The following MFSD1 variants were observed in gnomAD, a reference collection of about 807,000 sequenced individuals.
MFSD1 encodes the protein major facilitator superfamily domain containing 1.
In MFSD1, 59 loss-of-function variants were observed where a neutral mutation model predicts 67.1. That is an observed-to-expected ratio of 0.88 (90% CI 0.71 to 1.09). The LOEUF is 1.09. Ranked by LOEUF, MFSD1 falls within the 50% of genes least tolerant of loss-of-function variation. The pLI, the probability that MFSD1 is intolerant of heterozygous loss-of-function variation, is 0.00. For missense variants in MFSD1, 552 were observed against 566.1 expected (o/e 0.97, Z 0.25); for synonymous variants, 213 against 200.3 (o/e 1.06, Z -0.54).
In MFSD1 at chr3:158,809,153, GT is replaced by G. The variant is rs368154012; in HGVS notation, c.441-11del. 53,567 of 1,164,344 alleles carry G rather than the reference GT, an allele frequency of 0.046. 2 individuals are homozygous for G. Among genetic ancestry groups the G allele is most frequent in the Non-Finnish European group, 0.049 (41,193 of 845,024 alleles). The allele number at this position is 1,164,344 out of a possible 1,614,324, so 72.1% of individuals were successfully genotyped here. On this transcript the variant is annotated intron_variant, in intron 5 of 15. Coordinates refer to ENST00000415822, the MANE Select transcript of MFSD1 (RefSeq NM_022736.4). ...TATTTCTTTAAAGTTGTGACTTCTG[GT>G]TTTTTTTTTTTTTTCTATTTTTAGG...
chr3:158,817,721 A>C (rs1358531022), intron 7 of MFSD1, among the ~76,000 whole-genome samples: 1 of 152,130 alleles, frequency 6.6e-6, no homozygotes, highest in African/African-American at 2.4e-5. Flanking sequence ...GCTACCAATG[A>C]CTTTCTTCAC....
chr3:158,805,595 G>A, intron 3 of MFSD1, 121 bp downstream of exon 3: 2 of 820,454 alleles, frequency 2.4e-6, no homozygotes, highest in Non-Finnish European at 4.0e-6. Context: ...ATTTGCTTGA[G>A]TTTTTTAAAA....
In MFSD1 at chr3:158,826,061, G is replaced by T. The variant is rs775274349; in HGVS notation, c.1335G>T (p.Gln445His). 2 of 1,613,290 alleles carry T rather than the reference G, an allele frequency of 1.2e-6. No homozygotes were observed. Among genetic ancestry groups the T allele is most frequent in the African/African-American group, 2.7e-5 (2 of 75,008 alleles). ...VVLLYLVNRA[Q>H]GGNLNYSARQ... Reference sequence around the variant, plus strand: ...TACTCTATTTGGTGAATCGTGCCCAGGGTAAGTAGAAGATCTGATATTTGC... The same window carrying T: ...TACTCTATTTGGTGAATCGTGCCCATGGTAAGTAGAAGATCTGATATTTGC... Residue 445 changes from glutamine (Q) to histidine (H), a missense_variant and splice_region_variant, in exon 14 of 16, where the codon CAG becomes CAT. Coordinates refer to ENST00000415822, the MANE Select transcript of MFSD1 (RefSeq NM_022736.4).
chr3:158,818,076 G>A (rs1730471505), intron 7 of MFSD1, among the ~76,000 whole-genome samples: 1 of 152,114 alleles, frequency 6.6e-6, no homozygotes. Context: ...TACCACTTTT[G>A]CTTTTTCTCT....
Position 158,819,646 on chromosome 3 carries a change from T to C in MFSD1, c.653-3T>C. The C allele has an allele frequency of 7.0e-7, 1 of 1,438,306 alleles. No individual in the cohort carries two copies. The highest frequency in any genetic ancestry group is 9.5e-7 in the Non-Finnish European group (1 of 1,054,242). 89.1% of individuals were successfully genotyped at this position (1,438,306 alleles called of 1,614,324 possible). A position where few individuals can be genotyped will look rare whatever the true frequency, so the allele number is the denominator to read the frequency against. ...TTTTTCTTTTTTTTTTTTTTTTATT[T>C]AGGGGGTATAACGTGTATTCTTTCA... is the stretch of plus-strand genomic sequence containing the variant. On this transcript the variant is annotated splice_region_variant and splice_polypyrimidine_tract_variant and intron_variant, in intron 7 of 15. Transcript: ENST00000415822.
intron 5 of MFSD1, 132 bp downstream of exon 5, chr3:158,807,595 G>A: frequency 1.4e-6 from 1 of 703,350 alleles, no homozygotes; most frequent in Non-Finnish European, 2.4e-6. Context: ...ATATGCATAA[G>A]AGTATTTCTT....
intron 7 of MFSD1, among the ~76,000 whole-genome samples, chr3:158,818,326 A>T (rs1386533798): frequency 6.6e-6 from 1 of 152,114 alleles, no homozygotes; most frequent in Non-Finnish European, 1.5e-5. Flanking sequence ...CATATCCATC[A>T]CCTCATGCGT....
At chr3:158,805,495 T>C (rs1438621581) in intron 3 of MFSD1, 21 bp downstream of exon 3, 4 of 1,514,054 alleles carry the variant, frequency 2.6e-6, no homozygotes, top group Non-Finnish European at 2.8e-6. Context: ...AAAGAAACTA[T>C]GGGTAAATCT....
chr3:158,827,577 G>A (rs1158295115), intron 15 of MFSD1, among the ~76,000 whole-genome samples: 3 of 151,832 alleles, frequency 2.0e-5, no homozygotes, highest in African/African-American at 4.8e-5. Context: ...AACATGTCTG[G>A]CTAATTTTTT....
chr3:158,805,917 G>A (rs1304037561), intron 3 of MFSD1, among the ~76,000 whole-genome samples: 1 of 152,190 alleles, frequency 6.6e-6, no homozygotes, highest in Non-Finnish European at 1.5e-5. Flanking sequence ...TAGGTAGTAT[G>A]TGCTTCCTCC....
intron 7 of MFSD1, among the ~76,000 whole-genome samples, chr3:158,815,356 CT>C (rs58754327): frequency 0.19 from 25,567 of 134,180 alleles, 2,546 homozygotes; most frequent in Middle Eastern, 0.31. Context: ...CTTGTAGTGT[CT>C]TTTTTTTTTT....
At chr3:158,806,118 A>G (rs535294393) in intron 3 of MFSD1, among the ~76,000 whole-genome samples, 1 of 152,268 alleles carries the variant, frequency 6.6e-6, no homozygotes, top group Non-Finnish European at 1.5e-5. Context: ...AAAGACCAAG[A>G]TGATGAAAGG....
intron 15 of MFSD1, among the ~76,000 whole-genome samples, 162 bp downstream of exon 15, chr3:158,827,499 C>T (rs1253687660): frequency 6.6e-6 from 1 of 150,900 alleles, no homozygotes; most frequent in Non-Finnish European, 1.5e-5. Flanking sequence ...ACTGAAGCCT[C>T]AACTTCCTCA....
At chr3:158,828,783 A>C (rs1418132695) in intron 15 of MFSD1, among the ~76,000 whole-genome samples, 196 bp from the exon 16 acceptor site, 1 of 152,104 alleles carries the variant, frequency 6.6e-6, no homozygotes, top group Non-Finnish European at 1.5e-5. Flanking sequence ...AAAACTCAGA[A>C]TATTTTTCAA....
chr3:158,821,554 A>T (rs1424951789), intron 9 of MFSD1, 43 bp from the exon 10 acceptor site: 87 of 1,244,866 alleles, frequency 7.0e-5, no homozygotes, highest in Non-Finnish European at 1.0e-4. Flanking sequence ...AAAACAGAGT[A>T]GTTCTCTCTA....
At position 158,812,365 on chromosome 3, in the gene MFSD1, C is replaced by T. The variant is rs1203091331; in HGVS notation, c.550-1600C>T. Among the ~76,000 whole-genome samples the T allele has an allele frequency of 3.3e-5, 5 of 152,238 alleles. No individual in the cohort carries two copies. The East Asian group carries it at 5.8e-4, about 18-fold the overall frequency. ...TGATCATAAAATCATCTTACATGGA[C>T]GCTAAATACATAAATCAGATAAAAG... On this transcript the variant is annotated intron_variant, in intron 6 of 15. Transcript: ENST00000415822.
At position 158,823,479 on chromosome 3, in the gene MFSD1, G is replaced by A. The variant is rs778220890; in HGVS notation, c.1129G>A (p.Val377Met). 1.9e-6 allele frequency: 3 copies of A among 1,613,912 alleles called. No homozygotes were observed. The highest frequency in any genetic ancestry group is 2.2e-5 in the South Asian group (2 of 91,086). Residue 377 changes from valine to methionine, a missense_variant, in exon 12 of 16, where the codon GTG becomes ATG. Val to Met is a conservative substitution (Grantham distance 21, BLOSUM62 1). Transcript: ENST00000415822. ...SLLACALWPM[V>M]AFVVPEHQLG... ...GCTTGCCTGTGCATTGTGGCCAATGGTGGCATTTGTAGTTCCTGAACATCA... is the reference window on the plus strand; with the variant it reads ...GCTTGCCTGTGCATTGTGGCCAATGATGGCATTTGTAGTTCCTGAACATCA...
chr3:158,822,319 C>G, intron 11 of MFSD1, 179 bp downstream of exon 11: 1 of 405,214 alleles, frequency 2.5e-6, no homozygotes, highest in Admixed American at 4.0e-5. Flanking sequence ...GAATTATTAA[C>G]ATATAAGGTA....
intron 1 of MFSD1, chr3:158,802,581 G>A (rs1302715948): frequency 1.4e-6 from 1 of 692,870 alleles, no homozygotes; most frequent in African/African-American, 1.7e-5. Flanking sequence ...AGTCCCAGGG[G>A]CTAGCGACTC....
Sources: allele counts gnomAD v4.1 joint callset (sites outside exome capture counted in the v4.1 genomes callset), GRCh38; gene constraint gnomAD v4.1.1; transcripts MANE v1.5; gene names NCBI Gene and HGNC (gene_info 2026-07-23, HGNC 2026-07-21).